NAV3: variants seen among roughly 807,000 people sequenced by gnomAD.
NAV3 encodes neuron navigator 3.
Under a neutral mutation model 244.7 loss-of-function variants are expected in NAV3, and 87 were observed. The observed-to-expected ratio is 0.36, with a 90% CI of 0.30 to 0.42. The LOEUF is 0.42. NAV3 is among the 20% of genes least tolerant of loss of function. The pLI is 1.00. For synonymous variants in NAV3, 1,126 were observed against 1,042.2 expected (o/e 1.08, Z -1.55); for missense variants, 2,663 against 2,893.3 (o/e 0.92, Z 1.83).
At chr12:77,653,772 A>G (rs1367665426) in intron 2 of NAV3, among the ~76,000 whole-genome samples, 1 of 152,174 alleles carries the variant, frequency 6.6e-6, no homozygotes, top group Non-Finnish European at 1.5e-5. Flanking sequence ...ATCAATGGAA[A>G]TATATTCTTA....
At chr12:77,991,079 G>A (rs1047121715) in intron 5 of NAV3, among the ~76,000 whole-genome samples, 1 of 152,034 alleles carries the variant, frequency 6.6e-6, no homozygotes, top group Non-Finnish European at 1.5e-5. Context: ...AGGCTGGAGT[G>A]CAATGGTGCT....
At chr12:78,025,161 A>G (rs984937216) in intron 9 of NAV3, among the ~76,000 whole-genome samples, 2 of 152,154 alleles carry the variant, frequency 1.3e-5, no homozygotes, top group African/African-American at 4.8e-5. Context: ...ACTAATGTCA[A>G]CATGGCCAAA....
intron 2 of NAV3, among the ~76,000 whole-genome samples, chr12:77,729,460 G>A (rs952491946): frequency 2.8e-4 from 42 of 151,890 alleles, no homozygotes; most frequent in African/African-American, 9.7e-4. Flanking sequence ...AAATATTAGT[G>A]AAGAATTAAA....
chr12:77,713,762 T>A (rs1268372936), intron 2 of NAV3, among the ~76,000 whole-genome samples: 1 of 152,150 alleles, frequency 6.6e-6, no homozygotes, highest in East Asian at 1.9e-4. Flanking sequence ...ATAAAACAAA[T>A]GTGTATAATA....
At chr12:77,994,540 A>G (rs1872026217) in intron 5 of NAV3, among the ~76,000 whole-genome samples, 1 of 86,448 alleles carries the variant, frequency 1.2e-5, no homozygotes, top group African/African-American at 6.3e-5. Flanking sequence ...AATATTAATA[A>G]TATTACATGG....
intron 1 of NAV3, among the ~76,000 whole-genome samples, chr12:77,935,656 A>G (rs575232056): frequency 6.6e-6 from 1 of 152,330 alleles, no homozygotes; most frequent in African/African-American, 2.4e-5. Flanking sequence ...TTGAGGTATT[A>G]GTCTGTTTTC....
At chr12:77,769,129 G>T (rs112473462) in intron 2 of NAV3, among the ~76,000 whole-genome samples, 1 of 152,110 alleles carries the variant, frequency 6.6e-6, no homozygotes, top group Non-Finnish European at 1.5e-5. Context: ...ATTTGCTCAA[G>T]GTAACTTATA....
At chr12:78,076,047 A>T (rs1010393955) in intron 12 of NAV3, among the ~76,000 whole-genome samples, 3 of 152,124 alleles carry the variant, frequency 2.0e-5, no homozygotes, top group African/African-American at 7.2e-5. Context: ...TGGAATTCCC[A>T]ATGCACTTTT....
intron 1 of NAV3, among the ~76,000 whole-genome samples, chr12:77,846,818 T>C (rs762540678): frequency 7.2e-5 from 11 of 152,208 alleles, no homozygotes; most frequent in Non-Finnish European, 1.5e-4. Context: ...TGATTTTTTT[T>C]CAATGAGGTT....
At chr12:77,926,908 ACT>A (rs1030247019) in intron 1 of NAV3, among the ~76,000 whole-genome samples, 12 of 152,282 alleles carry the variant, frequency 7.9e-5, no homozygotes, top group African/African-American at 2.6e-4. Context: ...AAGCCTGGAA[ACT>A]CTGAACTGCT....
chr12:77,877,021 G>A (rs1881935944), intron 1 of NAV3, among the ~76,000 whole-genome samples: 1 of 152,004 alleles, frequency 6.6e-6, no homozygotes, highest in Non-Finnish European at 1.5e-5. Flanking sequence ...CATTGTATAT[G>A]TTCCTTAAAC....
At chr12:78,034,285 T>A (rs1296380515) in intron 9 of NAV3, among the ~76,000 whole-genome samples, 1 of 152,140 alleles carries the variant, frequency 6.6e-6, no homozygotes, top group African/African-American at 2.4e-5. Flanking sequence ...AAATGTCCCT[T>A]GGGGGAAAAA....
intron 2 of NAV3, among the ~76,000 whole-genome samples, chr12:77,770,296 G>T (rs559389206): frequency 9.9e-4 from 151 of 152,266 alleles, no homozygotes; most frequent in African/African-American, 3.4e-3. Flanking sequence ...ATAGTAGATT[G>T]TGAACTTGCA....
intron 2 of NAV3, among the ~76,000 whole-genome samples, chr12:77,823,792 A>G (rs1872846752): frequency 6.6e-6 from 1 of 152,314 alleles, no homozygotes; most frequent in Non-Finnish European, 1.5e-5. Context: ...TAATGGAAAC[A>G]TACTTAAGAA....
Position 78,175,299 on chromosome 12 carries a change from T to A in NAV3, c.4982-7T>A, listed in dbSNP as rs771462001. ...GAGCCGATGTGATACTCTCCCTCTA[T>A]TGCTAGATCTTCGCATCAGAAGACA... is the stretch of plus-strand genomic sequence containing the variant. On this transcript the variant is annotated splice_polypyrimidine_tract_variant and splice_region_variant and intron_variant, in intron 24 of 39. Coordinates refer to ENST00000397909, the MANE Select transcript of NAV3 (RefSeq NM_001024383.2). The A allele has an allele frequency of 6.2e-7, 1 of 1,609,792 alleles. No individual in the cohort carries two copies. Among genetic ancestry groups the A allele is most frequent in the African/African-American group, 1.3e-5 (1 of 74,766 alleles).
intron 2 of NAV3, among the ~76,000 whole-genome samples, chr12:77,698,207 A>G (rs77769518): frequency 0.021 from 3,268 of 152,250 alleles, 74 homozygotes; most frequent in South Asian, 0.084. Flanking sequence ...ACTCCATCTC[A>G]TCCTGTTCCA....
chr12:77,723,755 C>CTTTTTTTTTTTTTTTTTTTTTTT (rs34518266), intron 2 of NAV3, among the ~76,000 whole-genome samples: 7 of 67,654 alleles, frequency 1.0e-4, no homozygotes, highest in Admixed American at 4.2e-4. Context: ...GCAATCTTGA[C>CTTTTTTTTTTTTTTTTTTTTTTT]TTTTTTTTTT....
intron 1 of NAV3, among the ~76,000 whole-genome samples, chr12:77,928,533 C>T (rs1458285744): frequency 6.6e-6 from 1 of 152,078 alleles, no homozygotes; most frequent in Non-Finnish European, 1.5e-5. Context: ...TGTGCCTTAT[C>T]CTTGTTGGTA....
At chr12:77,814,262 A>G (rs972936058) in intron 2 of NAV3, among the ~76,000 whole-genome samples, 2 of 152,062 alleles carry the variant, frequency 1.3e-5, no homozygotes, top group Non-Finnish European at 2.9e-5. Flanking sequence ...AAAAAACTCT[A>G]ATGTTGATAC....
Sources: gnomAD v4.1 joint callset for allele counts (sites outside exome capture counted in the v4.1 genomes callset) on GRCh38, gnomAD v4.1.1 for gene constraint, MANE v1.5 for transcripts, NCBI Gene and HGNC (gene_info 2026-07-23, HGNC 2026-07-21) for gene names.